The following GRB10 variants were observed in gnomAD, a reference collection of about 807,000 sequenced individuals.
The protein encoded by GRB10 is growth factor receptor-bound protein 10.
GRB10 carries 20 observed loss-of-function variants against 80.9 expected under a neutral mutation model. The observed-to-expected ratio is 0.25, with a 90% confidence interval of 0.17 to 0.36. The LOEUF (loss-of-function observed/expected upper bound fraction) is 0.36, where lower values mean the gene tolerates loss of function less well. Ranked by LOEUF, GRB10 falls within the 10% of genes least tolerant of loss-of-function variation. The probability of loss-of-function intolerance (pLI) is 1.00; values close to 1 mark genes in which losing one functional copy is unlikely to be tolerated. For synonymous variants in GRB10, 291 were observed against 291.5 expected, an observed-to-expected ratio of 1.00 and a Z score of 0.02; for missense variants, 548 against 747.7, an observed-to-expected ratio of 0.73 and a Z score of 3.12.
At chr7:50,725,447 C>T (rs1455970287) in intron 4 of GRB10, among the ~76,000 whole-genome samples, 4 of 152,136 alleles carry the variant, frequency 2.6e-5, no homozygotes, top group Admixed American at 6.5e-5. Context: ...TCTTTATAAG[C>T]GGTGTGAGTG....
chr7:50,602,416 G>T (rs1006439673), intron 17 of GRB10, among the ~76,000 whole-genome samples: 6 of 152,140 alleles, frequency 3.9e-5, no homozygotes, highest in Non-Finnish European at 1.5e-5. Context: ...AGGCAGCAGA[G>T]CACCCAGTAC....
intron 9 of GRB10, 109 bp downstream of exon 9, chr7:50,619,061 T>A: frequency 1.4e-6 from 1 of 724,434 alleles, no homozygotes; most frequent in Non-Finnish European, 2.5e-6. Context: ...CAAACCCATA[T>A]GCTACACCAT....
At chr7:50,695,747 T>C (rs1208119903) in intron 5 of GRB10, among the ~76,000 whole-genome samples, 1 of 152,186 alleles carries the variant, frequency 6.6e-6, no homozygotes, top group Non-Finnish European at 1.5e-5. Context: ...ATAATAAACA[T>C]TCAAAGTTCT....
intron 7 of GRB10, among the ~76,000 whole-genome samples, chr7:50,647,477 C>G (rs1413848824): frequency 6.6e-6 from 1 of 152,220 alleles, no homozygotes; most frequent in Non-Finnish European, 1.5e-5. Context: ...GCAGATGCTC[C>G]CTGAGAACCT....
chr7:50,680,461 C>T (rs751078789), intron 5 of GRB10, among the ~76,000 whole-genome samples: 70 of 152,142 alleles, frequency 4.6e-4, no homozygotes, highest in South Asian at 2.1e-4. Flanking sequence ...TAAGAATATA[C>T]GTTTTTTGGT....
intron 2 of GRB10, among the ~76,000 whole-genome samples, chr7:50,775,214 A>G (rs943742342): frequency 6.6e-6 from 1 of 151,556 alleles, no homozygotes; most frequent in Non-Finnish European, 1.5e-5. Flanking sequence ...AGACATTCCC[A>G]TTACAAAAGG....
intron 5 of GRB10, among the ~76,000 whole-genome samples, chr7:50,700,418 C>T (rs2064016745): frequency 3.3e-5 from 5 of 152,128 alleles, no homozygotes; most frequent in Admixed American, 3.3e-4. Context: ...CACCTTTTGC[C>T]CTCCTGAGTG....
In GRB10 at chr7:50,591,572, G is replaced by C. The variant is rs1240127085; in HGVS notation, c.*1380C>G. ...GGCCACTCTCACACCTGATCACTAA[G>C]CTAAGGGGACGTGGCAAAGGGGGCC... On this transcript the variant is annotated 3_prime_UTR_variant, in exon 19 of 19. Coordinates refer to ENST00000401949, the MANE Select transcript of GRB10 (RefSeq NM_001350814.2). The C allele has an allele frequency of 6.6e-6, 1 of 152,274 alleles. No individual in the cohort carries two copies. The highest frequency in any genetic ancestry group is 2.4e-5 in the African/African-American group (1 of 41,452). The allele number at this position is 152,274 out of a possible 1,614,324, so 9.4% of individuals were successfully genotyped here. A position where few individuals can be genotyped will look rare whatever the true frequency, so the allele number is the denominator to read the frequency against.
At chr7:50,683,255 G>A (rs978178631) in intron 5 of GRB10, among the ~76,000 whole-genome samples, 2 of 152,330 alleles carry the variant, frequency 1.3e-5, no homozygotes, top group African/African-American at 4.8e-5. Flanking sequence ...GGGGTCCCTG[G>A]AGTAGTCAAA....
chr7:50,665,724 G>A (rs555730347), intron 7 of GRB10, among the ~76,000 whole-genome samples: 1 of 152,330 alleles, frequency 6.6e-6, no homozygotes, highest in Non-Finnish European at 1.5e-5. Flanking sequence ...AGACCCAGAA[G>A]AGGAAGCAGA....
intron 5 of GRB10, among the ~76,000 whole-genome samples, chr7:50,700,703 CCTCT>C (rs1239319766): frequency 1.3e-5 from 2 of 152,172 alleles, no homozygotes; most frequent in Non-Finnish European, 2.9e-5. Flanking sequence ...ATTGCAATTT[CCTCT>C]CTAACTCATA....
At chr7:50,768,424 C>T (rs971682932) in intron 2 of GRB10, among the ~76,000 whole-genome samples, 6 of 152,180 alleles carry the variant, frequency 3.9e-5, no homozygotes, top group African/African-American at 1.2e-4. Flanking sequence ...TCATAAACCC[C>T]CAGGTTCATT....
intron 7 of GRB10, among the ~76,000 whole-genome samples, chr7:50,639,794 G>C (rs61294642): frequency 1.7e-4 from 26 of 152,276 alleles, no homozygotes; most frequent in African/African-American, 6.0e-4. Flanking sequence ...CTCTACCCTT[G>C]TTTTATACCA....
intron 7 of GRB10, among the ~76,000 whole-genome samples, chr7:50,656,693 G>A (rs1368480218): frequency 5.9e-5 from 9 of 152,232 alleles, no homozygotes; most frequent in South Asian, 2.1e-4. Context: ...CAAAGCCACC[G>A]TGTGCTACCA....
chr7:50,735,119 C>A (rs1046997204), intron 3 of GRB10, among the ~76,000 whole-genome samples: 1 of 152,138 alleles, frequency 6.6e-6, no homozygotes, highest in African/African-American at 2.4e-5. Context: ...AGCAAAGGTA[C>A]AGGATACAAA....
At chr7:50,722,685 T>A (rs959097011) in intron 4 of GRB10, among the ~76,000 whole-genome samples, 1 of 151,766 alleles carries the variant, frequency 6.6e-6, no homozygotes, top group Admixed American at 6.6e-5. Flanking sequence ...AATGCCAGGG[T>A]GACAAGGTGA....
rs897574815 is a variant in GRB10 at position 50,738,885 on chromosome 7, G to A, written c.-46-6517C>T. On this transcript the variant is annotated intron_variant, in intron 3 of 18. Coordinates refer to ENST00000401949, the MANE Select transcript of GRB10 (RefSeq NM_001350814.2). ...ATTAAAAGGGCCTACTAACAAGTTT[G>A]GCTTGCTGTGGTGGTTTCACATTGT... 2.0e-5 allele frequency among the ~76,000 whole-genome samples: 3 copies of A among 152,118 alleles called. No homozygotes were observed. The South Asian group carries it at 6.2e-4, about 32-fold the overall frequency.
In GRB10 at chr7:50,613,487, G is replaced by A. The variant is rs989155395; in HGVS notation, c.1096-648C>T. Among the ~76,000 whole-genome samples, 3 of 152,268 alleles carry A rather than the reference G, an allele frequency of 2.0e-5. 1 individual carries two copies. The highest frequency in any genetic ancestry group is 2.0e-4 in the Admixed American group (3 of 15,306). ...GGCCCTTTGGTGAGGGAGGAGAATT[G>A]TTGCAGGCATAAACTGACCTGCATC... On this transcript the variant is annotated intron_variant, in intron 12 of 18. Transcript: ENST00000401949.
chr7:50,749,231 C>T (rs1216841520), intron 3 of GRB10, among the ~76,000 whole-genome samples: 2 of 149,794 alleles, frequency 1.3e-5, no homozygotes, highest in Admixed American at 6.8e-5. Flanking sequence ...TAGGTTCAAG[C>T]GATTCTCCTG....
Sources: allele counts gnomAD v4.1 joint callset (sites outside exome capture counted in the v4.1 genomes callset), GRCh38; gene constraint gnomAD v4.1.1; transcripts MANE v1.5; gene names NCBI Gene and HGNC (gene_info 2026-07-23, HGNC 2026-07-21).